Variants in CDH12 observed in about 807,000 individuals in gnomAD.
The protein encoded by CDH12 is cadherin-12.
A neutral mutation model predicts 74.1 loss-of-function variants in CDH12; 41 were observed. The ratio of observed to expected loss-of-function variants is 0.55; its 90% CI spans 0.43 to 0.72. CDH12 has a LOEUF of 0.72. CDH12 is among the 30% of genes least tolerant of loss of function. The pLI is 0.00. For synonymous variants in CDH12, 399 were observed against 355.0 expected, an observed-to-expected ratio of 1.12 and a Z score of -1.39; for missense variants, 945 against 977.2, an observed-to-expected ratio of 0.97 and a Z score of 0.44.
At chr5:22,403,583 A>G (rs2126454010) in intron 3 of CDH12, among the ~76,000 whole-genome samples, 1 of 152,322 alleles carries the variant, frequency 6.6e-6, no homozygotes, top group South Asian at 2.1e-4. Flanking sequence ...ACAAACCATA[A>G]TATTTATGAC....
At chr5:22,242,400 T>G (rs1752782719) in intron 3 of CDH12, among the ~76,000 whole-genome samples, 1 of 152,194 alleles carries the variant, frequency 6.6e-6, no homozygotes, top group Admixed American at 6.5e-5. Context: ...TTATAACTCC[T>G]CATTTTAGCT....
At chr5:21,781,098 A>G (rs1181379335) in intron 11 of CDH12, among the ~76,000 whole-genome samples, 1 of 152,162 alleles carries the variant, frequency 6.6e-6, no homozygotes, top group Non-Finnish European at 1.5e-5. Context: ...ATGAAAGAAG[A>G]CGGCAAGGCA....
At chr5:22,548,385 T>C (rs1213625770) in intron 1 of CDH12, among the ~76,000 whole-genome samples, 3 of 152,172 alleles carry the variant, frequency 2.0e-5, no homozygotes, top group Admixed American at 1.3e-4. Flanking sequence ...GTGTGGCTTG[T>C]ATAATCTAAA....
chr5:22,112,894 G>A (rs946195186), intron 4 of CDH12, among the ~76,000 whole-genome samples: 1 of 152,092 alleles, frequency 6.6e-6, no homozygotes, highest in Admixed American at 6.6e-5. Flanking sequence ...TTAACAGAAC[G>A]TTCATCTTAT....
chr5:22,355,172 CT>C (rs34638890), intron 3 of CDH12, among the ~76,000 whole-genome samples: 66,083 of 151,782 alleles, frequency 0.44, 15,878 homozygotes, highest in Non-Finnish European at 0.54. Context: ...ATCATAATGA[CT>C]GTCATTACTA....
intron 3 of CDH12, among the ~76,000 whole-genome samples, chr5:22,327,642 G>A (rs541345025): frequency 6.6e-6 from 1 of 152,114 alleles, no homozygotes; most frequent in Non-Finnish European, 1.5e-5. Context: ...GAAATAAATA[G>A]ACATTATTAC....
At chr5:21,884,055 T>A in intron 6 of CDH12, 1 of 1,438,292 alleles carries the variant, frequency 7.0e-7, no homozygotes, top group Non-Finnish European at 9.8e-7. Flanking sequence ...TGAAGGATCT[T>A]TGATAGTTGA....
intron 3 of CDH12, among the ~76,000 whole-genome samples, chr5:22,259,206 G>A (rs1753428075): frequency 6.6e-6 from 1 of 152,166 alleles, no homozygotes. Context: ...GATAGTATGA[G>A]AAGTACTTAT....
At chr5:22,280,434 G>T (rs1048192484) in intron 3 of CDH12, among the ~76,000 whole-genome samples, 8 of 152,112 alleles carry the variant, frequency 5.3e-5, no homozygotes, top group Non-Finnish European at 1.2e-4. Context: ...GAATCCAGGA[G>T]CTGGTTTTTT....
chr5:22,595,089 G>A (rs269891), intron 1 of CDH12, among the ~76,000 whole-genome samples: 74,529 of 151,772 alleles, frequency 0.49, 18,573 homozygotes, highest in Admixed American at 0.58. Context: ...AATTTTAATG[G>A]AAGTCCATAC....
At chr5:22,094,154 C>T (rs1158167103) in intron 4 of CDH12, among the ~76,000 whole-genome samples, 1 of 152,046 alleles carries the variant, frequency 6.6e-6, no homozygotes, top group Non-Finnish European at 1.5e-5. Flanking sequence ...ATGAATTTTC[C>T]CAAGACACAA....
intron 4 of CDH12, among the ~76,000 whole-genome samples, chr5:22,129,888 T>C (rs991143943): frequency 4.6e-5 from 7 of 152,054 alleles, no homozygotes; most frequent in African/African-American, 1.7e-4. Context: ...ATTGTAAAGA[T>C]ATGGAGAGGT....
chr5:22,568,642 G>T (rs543111545), intron 1 of CDH12, among the ~76,000 whole-genome samples: 109 of 152,190 alleles, frequency 7.2e-4, no homozygotes, highest in Middle Eastern at 3.4e-3. Context: ...AAAACACTGG[G>T]TCTTGGTAAA....
chr5:22,410,754 G>T (rs1479028892), intron 2 of CDH12, among the ~76,000 whole-genome samples: 1 of 152,162 alleles, frequency 6.6e-6, no homozygotes, highest in South Asian at 2.1e-4. Context: ...TAGACATGAA[G>T]AAGATTATTC....
chr5:22,602,488 A>T (rs1308461288), intron 1 of CDH12, among the ~76,000 whole-genome samples: 1 of 152,154 alleles, frequency 6.6e-6, no homozygotes, highest in African/African-American at 2.4e-5. Context: ...CTCCAGGTTC[A>T]AGGTAATCTT....
intron 6 of CDH12, among the ~76,000 whole-genome samples, chr5:21,959,924 C>CAAAAAAAA (rs1201352707): frequency 2.0e-5 from 1 of 49,774 alleles, no homozygotes; most frequent in African/African-American, 6.2e-5. Flanking sequence ...GGCTCCATCT[C>CAAAAAAAA]AAAAAAAAAA....
At chr5:22,611,546 G>A (rs1469680510) in intron 1 of CDH12, among the ~76,000 whole-genome samples, 1 of 152,050 alleles carries the variant, frequency 6.6e-6, no homozygotes, top group South Asian at 2.1e-4. Flanking sequence ...CAGTACCCCT[G>A]GGCTATTGAT....
chr5:22,511,076 G>A (rs569467561), intron 1 of CDH12, among the ~76,000 whole-genome samples: 10 of 151,996 alleles, frequency 6.6e-5, no homozygotes, highest in African/African-American at 2.2e-4. Flanking sequence ...TGTATTTTTA[G>A]TACAGACAGG....
At chr5:22,852,100 A>G (rs1423155354) in intron 1 of CDH12, among the ~76,000 whole-genome samples, 15 of 152,262 alleles carry the variant, frequency 9.9e-5, no homozygotes, top group African/African-American at 3.4e-4. Flanking sequence ...ATGTAAGGTA[A>G]TTTTCTAGCT....
Sources: gnomAD v4.1 joint callset for allele counts (sites outside exome capture counted in the v4.1 genomes callset) on GRCh38, gnomAD v4.1.1 for gene constraint, MANE v1.5 for transcripts, NCBI Gene and HGNC (gene_info 2026-07-23, HGNC 2026-07-21) for gene names.